Variants in GRHL2 observed in about 807,000 individuals in gnomAD.
GRHL2 encodes the protein grainyhead like transcription factor 2.
A neutral mutation model predicts 83.8 loss-of-function variants in GRHL2; 21 were observed. That is an observed-to-expected ratio of 0.25 (90% CI 0.18 to 0.36). The LOEUF (loss-of-function observed/expected upper bound fraction) is 0.36. GRHL2 is among the 10% of genes least tolerant of loss of function. The probability of loss-of-function intolerance (pLI) is 1.00; values close to 1 mark genes in which losing one functional copy is unlikely to be tolerated. For synonymous variants in GRHL2, 280 were observed against 278.9 expected (o/e 1.00, Z -0.04); for missense variants, 623 against 781.8 (o/e 0.80, Z 2.42).
rs1056776302 is a variant in GRHL2 at position 101,649,292 on chromosome 8, G to T, written c.1613-122G>T. On this transcript the variant is annotated intron_variant, in intron 13 of 15. Transcript: ENST00000646743. ...TTGAATGTTAGTTATCTGGACCAGG[G>T]TTCTGAGGCTTCGCAGGAGGTGCCA... The T allele has an allele frequency of 3.7e-5, 28 of 746,746 alleles. No individual in the cohort carries two copies. The South Asian group carries it at 4.0e-4, about 11-fold the overall frequency. The allele number at this position is 746,746 out of a possible 1,614,324, so 46.3% of individuals were successfully genotyped here. A position where few individuals can be genotyped will look rare whatever the true frequency, so the allele number is the denominator to read the frequency against.
intron 12 of GRHL2, among the ~76,000 whole-genome samples, chr8:101,638,989 G>A (rs572963423): frequency 1.7e-4 from 26 of 152,272 alleles, no homozygotes; most frequent in Admixed American, 1.4e-3. Context: ...GTAAGATCTC[G>A]AAGATTCCAT....
intron 12 of GRHL2, among the ~76,000 whole-genome samples, chr8:101,640,852 T>C (rs1813386281): frequency 6.6e-6 from 1 of 152,108 alleles, no homozygotes; most frequent in Admixed American, 6.5e-5. Flanking sequence ...ACCTCAACTC[T>C]CTCCAAGACT....
At chr8:101,641,250 C>A (rs946933192) in intron 12 of GRHL2, among the ~76,000 whole-genome samples, 3 of 152,096 alleles carry the variant, frequency 2.0e-5, no homozygotes, top group Non-Finnish European at 4.4e-5. Context: ...TGGATTCAGA[C>A]CCTACTTTAT....
chr8:101,654,840 A>T (rs1392290277), intron 14 of GRHL2, among the ~76,000 whole-genome samples: 1 of 152,194 alleles, frequency 6.6e-6, no homozygotes, highest in African/African-American at 2.4e-5. Flanking sequence ...TATACTCAGC[A>T]GACATTATAT....
chr8:101,679,647 A>T, the GRHL2 span, among the ~76,000 whole-genome samples: 3 of 151,630 alleles, frequency 2.0e-5, no homozygotes, highest in African/African-American at 7.3e-5. Flanking sequence ...GTTGAAATGA[A>T]GGAAAAAATG....
chr8:101,511,306 G>A (rs1369930728), intron 1 of GRHL2, among the ~76,000 whole-genome samples: 52 of 152,124 alleles, frequency 3.4e-4, no homozygotes, highest in Non-Finnish European at 2.9e-5. Flanking sequence ...GCATATTGAA[G>A]CCTTTGATAG....
At chr8:101,537,262 C>T (rs545275776) in intron 1 of GRHL2, among the ~76,000 whole-genome samples, 1 of 152,034 alleles carries the variant, frequency 6.6e-6, no homozygotes, top group South Asian at 2.1e-4. Flanking sequence ...ATCTGTTAGT[C>T]ATTAAAGTAG....
At chr8:101,649,807 C>T (rs868850486) in intron 14 of GRHL2, among the ~76,000 whole-genome samples, 15 of 152,146 alleles carry the variant, frequency 9.9e-5, no homozygotes, top group African/African-American at 3.6e-4. Context: ...ATATGATTAA[C>T]TCCCAAATAT....
chr8:101,619,394 G>A, intron 8 of GRHL2, 145 bp from the exon 9 acceptor site: 2 of 692,388 alleles, frequency 2.9e-6, no homozygotes, highest in South Asian at 1.6e-5. Flanking sequence ...TGCTCAGCAT[G>A]TTTTTATGTG....
At chr8:101,523,969 C>G (rs557444208) in intron 1 of GRHL2, among the ~76,000 whole-genome samples, 1 of 152,252 alleles carries the variant, frequency 6.6e-6, no homozygotes, top group African/African-American at 2.4e-5. Flanking sequence ...TCATCAGGTG[C>G]GTAATAGAAT....
chr8:101,558,335 T>C, intron 3 of GRHL2, 84 bp from the exon 4 acceptor site: 2 of 1,466,576 alleles, frequency 1.4e-6, no homozygotes, highest in Non-Finnish European at 1.9e-6. Flanking sequence ...CCAATGATTA[T>C]TGCCTGCATT....
At chr8:101,565,306 C>CAT (rs1468312265) in intron 4 of GRHL2, among the ~76,000 whole-genome samples, 5 of 152,112 alleles carry the variant, frequency 3.3e-5, no homozygotes, top group African/African-American at 1.2e-4. Flanking sequence ...TATCAAAAAT[C>CAT]ATATAGATAT....
chr8:101,557,758 T>C (rs1312074085), intron 3 of GRHL2, among the ~76,000 whole-genome samples: 2 of 152,204 alleles, frequency 1.3e-5, no homozygotes, highest in East Asian at 3.8e-4. Flanking sequence ...TGTGCTGCAT[T>C]CTGGTTTGTC....
In GRHL2 at chr8:101,667,690, G is replaced by T. The variant is rs984707028; in HGVS notation, c.*987G>T. 4 of 152,500 alleles carry T rather than the reference G, an allele frequency of 2.6e-5. No individual in the cohort carries two copies. Among genetic ancestry groups the T allele is most frequent in the Non-Finnish European group, 5.9e-5 (4 of 68,080 alleles). The allele number at this position is 152,500 out of a possible 1,614,324, so 9.4% of individuals were successfully genotyped here. On this transcript the variant is annotated 3_prime_UTR_variant, in exon 16 of 16. Transcript: ENST00000646743. Reference sequence around the variant, plus strand: ...CCCTTTGCGCTGTCTCGTGGGAAAGGTCATTCTGTCTGAGACCCCAGCTCC... The same window carrying T: ...CCCTTTGCGCTGTCTCGTGGGAAAGTTCATTCTGTCTGAGACCCCAGCTCC...
intron 7 of GRHL2, among the ~76,000 whole-genome samples, chr8:101,592,025 G>A (rs946204226): frequency 1.3e-5 from 2 of 151,744 alleles, no homozygotes; most frequent in Non-Finnish European, 2.9e-5. Context: ...AAACGAAGGG[G>A]AACTGTCACA....
chr8:101,593,574 C>T lies in GRHL2; in HGVS notation c.1004-5483C>T, dbSNP rs139111556. On this transcript the variant is annotated intron_variant, in intron 7 of 15. Transcript: ENST00000646743. ...GCCATTCACTCAGATCACATGAGTT[C>T]TAATCACAGGAAGGAATCCCAGACG... 6.5e-3 allele frequency among the ~76,000 whole-genome samples: 995 copies of T among 152,270 alleles called. 8 individuals are homozygous for T. Among genetic ancestry groups the T allele is most frequent in the African/African-American group, 0.022 (915 of 41,546 alleles).
chr8:101,557,298 C>T (rs1811509208), intron 3 of GRHL2, among the ~76,000 whole-genome samples: 1 of 145,682 alleles, frequency 6.9e-6, no homozygotes, highest in Non-Finnish European at 1.5e-5. Flanking sequence ...GATCTCGACT[C>T]ACTGCAACCT....
chr8:101,544,635 T>A (rs1018620556), intron 2 of GRHL2, among the ~76,000 whole-genome samples: 1 of 152,228 alleles, frequency 6.6e-6, no homozygotes, highest in African/African-American at 2.4e-5. Context: ...AATGTGAGGA[T>A]GGCTGTGTTT....
At chr8:101,586,436 T>C (rs954744687) in intron 7 of GRHL2, among the ~76,000 whole-genome samples, 2 of 152,312 alleles carry the variant, frequency 1.3e-5, no homozygotes, top group Middle Eastern at 3.4e-3. Flanking sequence ...TCTCGCTTCT[T>C]CACCTGGAAG....
Sources: allele counts gnomAD v4.1 joint callset (sites outside exome capture counted in the v4.1 genomes callset), GRCh38; gene constraint gnomAD v4.1.1; transcripts MANE v1.5; gene names NCBI Gene and HGNC (gene_info 2026-07-23, HGNC 2026-07-21).